LARGE1: variants seen among roughly 807,000 people sequenced by gnomAD.
LARGE1 encodes xylosyl- and glucuronyltransferase LARGE1.
LARGE1 carries 43 observed loss-of-function variants against 87.6 expected under a neutral mutation model. The ratio of observed to expected loss-of-function variants is 0.49; its 90% CI spans 0.38 to 0.63. LARGE1 has a LOEUF of 0.63. LARGE1 is among the 30% of genes least tolerant of loss of function. The pLI is 0.00. For synonymous variants in LARGE1, 434 were observed against 394.6 expected (o/e 1.10, Z -1.18); for missense variants, 802 against 1,000.2 (o/e 0.80, Z 2.67).
chr22:33,396,046 C>T (rs568912506), intron 7 of LARGE1, among the ~76,000 whole-genome samples: 1 of 152,196 alleles, frequency 6.6e-6, no homozygotes, highest in Non-Finnish European at 1.5e-5. Flanking sequence ...CAGCTCTCCA[C>T]CTCTAATGCA....
chr22:33,409,111 A>G (rs2066213683), intron 7 of LARGE1, among the ~76,000 whole-genome samples: 1 of 152,228 alleles, frequency 6.6e-6, no homozygotes, highest in African/African-American at 2.4e-5. Flanking sequence ...GCAGTCCCAT[A>G]GGGCTCTGCC....
chr22:33,775,868 AG>A (rs1249381103), intron 1 of LARGE1, among the ~76,000 whole-genome samples: 1 of 150,398 alleles, frequency 6.6e-6, no homozygotes, highest in Non-Finnish European at 1.5e-5. Context: ...AAAAAAAAAA[AG>A]ACTCAGGAGG....
At chr22:33,124,822 C>A in the LARGE1 span, among the ~76,000 whole-genome samples, 1 of 152,156 alleles carries the variant, frequency 6.6e-6, no homozygotes, top group Non-Finnish European at 1.5e-5. Flanking sequence ...GGCAACATAG[C>A]AAGATCCTGT....
chr22:33,352,148 A>T (rs1940450898), intron 9 of LARGE1, among the ~76,000 whole-genome samples: 1 of 152,214 alleles, frequency 6.6e-6, no homozygotes, highest in African/African-American at 2.4e-5. Context: ...CTCCTGACAC[A>T]ATGTGAGGAG....
At chr22:33,827,085 G>A (rs561820379) in intron 1 of LARGE1, among the ~76,000 whole-genome samples, 4 of 152,148 alleles carry the variant, frequency 2.6e-5, no homozygotes, top group South Asian at 4.2e-4. Flanking sequence ...TCACTGGACC[G>A]GGCACGGTGG....
chr22:33,068,036 A>C, the LARGE1 span, among the ~76,000 whole-genome samples: 10 of 152,206 alleles, frequency 6.6e-5, no homozygotes, highest in Non-Finnish European at 1.3e-4. Context: ...TTGTGAGATG[A>C]TCATGAGGAT....
intron 1 of LARGE1, among the ~76,000 whole-genome samples, chr22:33,862,076 G>T (rs933675469): frequency 4.6e-5 from 7 of 151,854 alleles, no homozygotes; most frequent in African/African-American, 1.2e-4. Flanking sequence ...GGCCAGGCTG[G>T]TCTTGAACTC....
downstream of LARGE1, among the ~76,000 whole-genome samples, chr22:33,159,493 A>C (rs1372286131): frequency 1.3e-5 from 2 of 152,176 alleles, no homozygotes; most frequent in Non-Finnish European, 2.9e-5. Flanking sequence ...ATTAGGAATG[A>C]AAAAAATTAA....
chr22:33,567,077 T>C (rs1188947290), intron 5 of LARGE1, among the ~76,000 whole-genome samples: 1 of 152,192 alleles, frequency 6.6e-6, no homozygotes, highest in African/African-American at 2.4e-5. Context: ...TAAGCCTTGG[T>C]TTCTTTACCT....
chr22:33,856,032 C>T lies in LARGE1; in HGVS notation c.-83+63963G>A, dbSNP rs150456218. Among the ~76,000 whole-genome samples, 786 of 152,284 alleles carry T rather than the reference C, an allele frequency of 5.2e-3. 9 individuals are homozygous for T. The highest frequency in any genetic ancestry group is 0.018 in the African/African-American group (737 of 41,544). On this transcript the variant is annotated intron_variant, in intron 1 of 14. Transcript: ENST00000397394. ...TCTGTGCTGCTTACTGGAGGCTTCC[C>T]GGGCACCCAGCCCTACGCTGGCACC...
intron 5 of LARGE1, among the ~76,000 whole-genome samples, chr22:33,581,471 TAA>T (rs2078516342): frequency 6.6e-6 from 1 of 152,092 alleles, no homozygotes; most frequent in Non-Finnish European, 1.5e-5. Flanking sequence ...TAGAAATAAA[TAA>T]AGTTATTTTG....
At chr22:33,685,836 A>T (rs983165688) in intron 2 of LARGE1, among the ~76,000 whole-genome samples, 2 of 152,222 alleles carry the variant, frequency 1.3e-5, no homozygotes, top group African/African-American at 4.8e-5. Context: ...TATAAAGCAA[A>T]TACAGTAGAA....
At chr22:33,086,091 T>C in the LARGE1 span, among the ~76,000 whole-genome samples, 8 of 152,308 alleles carry the variant, frequency 5.3e-5, 1 homozygote, top group South Asian at 1.7e-3. Flanking sequence ...AGAATATGCT[T>C]CGGAAAAATA....
At chr22:33,857,828 G>A (rs2063797708) in intron 1 of LARGE1, among the ~76,000 whole-genome samples, 1 of 152,226 alleles carries the variant, frequency 6.6e-6, no homozygotes, top group African/African-American at 2.4e-5. Context: ...GTGGAAGACA[G>A]TGTGGCGATT....
chr22:33,327,670 C>A (rs559820291), intron 10 of LARGE1, among the ~76,000 whole-genome samples: 1 of 152,290 alleles, frequency 6.6e-6, no homozygotes, highest in East Asian at 1.9e-4. Context: ...ATCCTCCCAC[C>A]ACAACCTCCT....
chr22:33,883,064 G>A (rs898421241), intron 1 of LARGE1, among the ~76,000 whole-genome samples: 1 of 152,208 alleles, frequency 6.6e-6, no homozygotes, highest in African/African-American at 2.4e-5. Flanking sequence ...GATTTCTAAA[G>A]ATATGCTCGG....
At chr22:33,876,189 G>T (rs1463555885) in intron 1 of LARGE1, among the ~76,000 whole-genome samples, 3 of 152,128 alleles carry the variant, frequency 2.0e-5, no homozygotes, top group Non-Finnish European at 2.9e-5. Flanking sequence ...CATGAACACG[G>T]GAACCAGGTT....
the LARGE1 span, among the ~76,000 whole-genome samples, chr22:33,147,005 T>C: frequency 0.018 from 2,697 of 152,264 alleles, 85 homozygotes; most frequent in African/African-American, 0.06. Flanking sequence ...TATAAAATCT[T>C]TTGTGTCCAG....
intron 1 of LARGE1, among the ~76,000 whole-genome samples, chr22:33,919,476 C>A (rs976618025): frequency 5.9e-5 from 9 of 152,348 alleles, no homozygotes; most frequent in Middle Eastern, 3.4e-3. Context: ...TTCCCCCCTA[C>A]AGATAGCAAT....
Sources: gnomAD v4.1 joint callset for allele counts (sites outside exome capture counted in the v4.1 genomes callset) on GRCh38, gnomAD v4.1.1 for gene constraint, MANE v1.5 for transcripts, NCBI Gene and HGNC (gene_info 2026-07-23, HGNC 2026-07-21) for gene names.